FRK: variants seen among roughly 807,000 people sequenced by gnomAD.
The protein encoded by FRK is fyn related Src family tyrosine kinase, also known as tyrosine-protein kinase FRK.
In FRK, 51 loss-of-function variants were observed where a neutral mutation model predicts 56.4. That is an observed-to-expected ratio of 0.90 (90% CI 0.72 to 1.14). The LOEUF (loss-of-function observed/expected upper bound fraction) is 1.14, where lower values mean the gene tolerates loss of function less well. Among genes scored for constraint, FRK ranks in the 50% most tolerant of loss-of-function variants. The pLI is 0.00. For synonymous variants in FRK, 245 were observed against 217.9 expected, an observed-to-expected ratio of 1.12 and a Z score of -1.10; for missense variants, 570 against 601.4, an observed-to-expected ratio of 0.95 and a Z score of 0.55.
rs187631692 is a variant in FRK, at chr6:115,938,148, A to C, written c.*4266T>G. ...CAGTCTCTAAGACCACAGTGCAATC[A>C]AATTAGAACTCAGGATTAAAACTGA... is the stretch of plus-strand genomic sequence containing the variant. On this transcript the variant is annotated 3_prime_UTR_variant, in exon 8 of 8. Transcript: ENST00000606080. 6.6e-6 allele frequency: 1 copy of C among 152,358 alleles called. No individual in the cohort carries two copies. Among genetic ancestry groups the C allele is most frequent in the Non-Finnish European group, 1.5e-5 (1 of 68,036 alleles). The allele number at this position is 152,358 out of a possible 1,614,324, so 9.4% of individuals were successfully genotyped here.
At position 116,060,710 on chromosome 6, in the gene FRK, A is replaced by G. The variant is rs1437565989; in HGVS notation, c.-399T>C. Reference sequence around the variant, plus strand: ...TTTGTCCCAATAAAAAGTTAGCAAGAGGAAGCTACTAACCCCTGGTAAAAC... The same window carrying G: ...TTTGTCCCAATAAAAAGTTAGCAAGGGGAAGCTACTAACCCCTGGTAAAAC... On this transcript the variant is annotated 5_prime_UTR_variant, in exon 1 of 8. Transcript: ENST00000606080. 1 of 166,532 alleles carries G rather than the reference A, an allele frequency of 6.0e-6. No individual in the cohort carries two copies. Among genetic ancestry groups the G allele is most frequent in the African/African-American group, 2.4e-5 (1 of 41,720 alleles). 10.3% of individuals were successfully genotyped at this position (166,532 alleles called of 1,614,324 possible). A position where few individuals can be genotyped will look rare whatever the true frequency, so the allele number is the denominator to read the frequency against.
rs1777587585 is a variant in FRK, at chr6:116,060,452, A to C, written c.-141T>G. The C allele has an allele frequency of 3.1e-6, 2 of 652,392 alleles. No individual in the cohort carries two copies. The highest frequency in any genetic ancestry group is 2.9e-5 in the Admixed American group (1 of 34,420). The allele number at this position is 652,392 out of a possible 1,614,324, so 40.4% of individuals were successfully genotyped here. A position where few individuals can be genotyped will look rare whatever the true frequency, so the allele number is the denominator to read the frequency against. On this transcript the variant is annotated 5_prime_UTR_variant, in exon 1 of 8. Coordinates refer to ENST00000606080, the MANE Select transcript of FRK (RefSeq NM_002031.3). ...CGGAGAGTATGCAAAGTCCCGTTTC[A>C]GATCAGTCCAGCAGCTGGGTTGCAG...
the FRK span, among the ~76,000 whole-genome samples, chr6:116,096,494 G>A: frequency 1.3e-4 from 20 of 151,510 alleles, no homozygotes; most frequent in Non-Finnish European, 2.5e-4. Flanking sequence ...CTGTAAACAC[G>A]CCAATCAGCA....
At chr6:116,034,090 A>G (rs1240390892) in intron 1 of FRK, among the ~76,000 whole-genome samples, 1 of 152,136 alleles carries the variant, frequency 6.6e-6, no homozygotes. Context: ...GGGCCAGGTC[A>G]TGGGATGAAT....
At chr6:115,982,773 A>C (rs1202690263) in intron 2 of FRK, among the ~76,000 whole-genome samples, 1 of 152,074 alleles carries the variant, frequency 6.6e-6, no homozygotes, top group Non-Finnish European at 1.5e-5. Flanking sequence ...TTTATGAGTA[A>C]TAATAAAAGC....
At chr6:116,086,337 C>T in the FRK span, among the ~76,000 whole-genome samples, 1 of 152,148 alleles carries the variant, frequency 6.6e-6, no homozygotes, top group Non-Finnish European at 1.5e-5. Context: ...TAAGGGAACA[C>T]TATGAATCTC....
chr6:115,937,883 T>C lies in FRK; in HGVS notation c.*4531A>G, dbSNP rs1003718415. 2.0e-5 allele frequency: 3 copies of C among 152,238 alleles called. No individual in the cohort carries two copies. The highest frequency in any genetic ancestry group is 6.5e-5 in the Admixed American group (1 of 15,286). The allele number at this position is 152,238 out of a possible 1,614,324, so 9.4% of individuals were successfully genotyped here. ...ACTCCCACACAATAATAGTGGGAAA[T>C]TTTAACAGCCTGCTGTCAATATTAG... On this transcript the variant is annotated 3_prime_UTR_variant, in exon 8 of 8. Transcript: ENST00000606080.
chr6:116,096,306 G>A, the FRK span, among the ~76,000 whole-genome samples: 1 of 152,192 alleles, frequency 6.6e-6, no homozygotes, highest in Non-Finnish European at 1.5e-5. Context: ...CCTGTTTAGA[G>A]GAGAGATTGA....
At position 116,000,243 on chromosome 6, in the gene FRK, TTTTTTTTTTTTTTTTTTGA is replaced by T. The variant is rs1318233875; in HGVS notation, c.466+3615_466+3633del. ...TCTTTCTTTTTTTTTTTTTTTTTTT[TTTTTTTTTTTTTTTTTTGA>T]GACGGAGTCTCGCTCTGTCACCCAG... On this transcript the variant is annotated intron_variant, in intron 2 of 7. Coordinates refer to ENST00000606080, the MANE Select transcript of FRK (RefSeq NM_002031.3). 2.7e-4 allele frequency among the ~76,000 whole-genome samples: 14 copies of T among 52,534 alleles called. 1 individual carries two copies. The highest frequency in any genetic ancestry group is 7.3e-4 in the Admixed American group (3 of 4,082). 34.5% of individuals were successfully genotyped at this position (52,534 alleles called of 152,430 possible). A position where few individuals can be genotyped will look rare whatever the true frequency, so the allele number is the denominator to read the frequency against.
At chr6:116,033,582 A>G (rs1776370668) in intron 1 of FRK, among the ~76,000 whole-genome samples, 1 of 152,134 alleles carries the variant, frequency 6.6e-6, no homozygotes, top group Non-Finnish European at 1.5e-5. Context: ...TTTCTGCCTC[A>G]TAAAAGTCCT....
intron 5 of FRK, among the ~76,000 whole-genome samples, chr6:115,950,579 A>T (rs1245294739): frequency 2.0e-5 from 3 of 152,246 alleles, no homozygotes; most frequent in African/African-American, 7.2e-5. Context: ...GGGAGTGTAA[A>T]TTAGTTCAAC....
chr6:115,978,472 G>A (rs17697158), intron 2 of FRK, among the ~76,000 whole-genome samples: 1,837 of 152,262 alleles, frequency 0.012, 20 homozygotes, highest in Middle Eastern at 0.024. Flanking sequence ...ATGTTCAAGC[G>A]ATGTGAGCCA....
chr6:115,944,373 C>A lies in FRK; in HGVS notation c.1011G>T (p.Gln337His). The change falls in exon 6 of 8, where the codon CAG (glutamine) becomes CAT (histidine). Residue 337 changes from glutamine to histidine, a missense_variant. Gln to His is a conservative substitution (Grantham distance 24, BLOSUM62 0). Transcript: ENST00000606080. ...CCAGATAGGCCATTCCAGAGGCAAC[C>A]TGTGCCGCCATGTCTACCTGTTGAG... ...HLTQQVDMAA[Q>H]VASGMAYLES... The A allele has an allele frequency of 6.2e-7, 1 of 1,612,736 alleles. No homozygotes were observed. The highest frequency in any genetic ancestry group is 1.3e-5 in the African/African-American group (1 of 74,994).
At chr6:115,958,672 GAA>G (rs1562257132) in intron 4 of FRK, among the ~76,000 whole-genome samples, 2 of 6,086 alleles carry the variant, frequency 3.3e-4, no homozygotes, top group Admixed American at 5.0e-4. Flanking sequence ...AAGAAAGAAA[GAA>G]AGAAAGAAAG....
At chr6:116,095,151 A>G in the FRK span, among the ~76,000 whole-genome samples, 1 of 152,230 alleles carries the variant, frequency 6.6e-6, no homozygotes, top group Non-Finnish European at 1.5e-5. Context: ...TTAATTAATT[A>G]CCATCCAAAG....
chr6:116,095,110 C>G, the FRK span, among the ~76,000 whole-genome samples: 2 of 152,352 alleles, frequency 1.3e-5, no homozygotes, highest in East Asian at 1.9e-4. Flanking sequence ...AATCCTTAAT[C>G]CAGCAGGTTT....
intron 2 of FRK, among the ~76,000 whole-genome samples, chr6:115,996,710 C>T (rs1774854164): frequency 1.3e-5 from 2 of 152,038 alleles, no homozygotes. Flanking sequence ...TTACAAAACT[C>T]TACTGTAAAC....
intron 1 of FRK, among the ~76,000 whole-genome samples, chr6:116,031,408 G>C (rs572954713): frequency 2.6e-5 from 4 of 152,124 alleles, no homozygotes; most frequent in African/African-American, 4.8e-5. Context: ...ATATTACTTT[G>C]TGCCAAAAAT....
intron 1 of FRK, chr6:116,039,116 A>G (rs1776610987): frequency 1.2e-6 from 1 of 838,224 alleles, no homozygotes; most frequent in Admixed American, 1.7e-5. Flanking sequence ...AAAGGGACTC[A>G]GAGTAATCGC....
Sources: allele counts gnomAD v4.1 joint callset (sites outside exome capture counted in the v4.1 genomes callset), GRCh38; gene constraint gnomAD v4.1.1; transcripts MANE v1.5; gene names NCBI Gene and HGNC (gene_info 2026-07-23, HGNC 2026-07-21).